Variants in AMTN observed in about 807,000 individuals in gnomAD.
AMTN encodes the protein amelotin, also known as RSTI689.
In AMTN, 29 loss-of-function variants were observed where a neutral mutation model predicts 27.4. The observed-to-expected ratio is 1.06, with a 90% CI of 0.79 to 1.44. The LOEUF (loss-of-function observed/expected upper bound fraction) is 1.44. AMTN is among the 40% of genes most tolerant of loss of function. AMTN has a pLI of 0.00. For missense variants in AMTN, 247 were observed against 248.8 expected (o/e 0.99, Z 0.05); for synonymous variants, 86 against 95.7 (o/e 0.90, Z 0.59).
rs1213251425 is a variant in AMTN at position 70,518,954 on chromosome 4, C to G, written c.54+123C>G. 5 of 783,824 alleles carry G rather than the reference C, an allele frequency of 6.4e-6. No homozygotes were observed. In the African/African-American group the frequency reaches 8.6e-5, roughly 14 times the overall value. 48.6% of individuals were successfully genotyped at this position (783,824 alleles called of 1,614,324 possible). On this transcript the variant is annotated intron_variant, in intron 2 of 8. Coordinates refer to ENST00000339336, the MANE Select transcript of AMTN (RefSeq NM_212557.4). ...TTTGTGACTCATTCCCTGAGAGTGTCCAGTGTTTATTTTCCAAGACAGAAA... is the reference window on the plus strand; with the variant it reads ...TTTGTGACTCATTCCCTGAGAGTGTGCAGTGTTTATTTTCCAAGACAGAAA...
At chr4:70,528,872 TG>T in intron 6 of AMTN, 114 bp downstream of exon 6, 3 of 852,066 alleles carry the variant, frequency 3.5e-6, no homozygotes, top group Non-Finnish European at 3.5e-6. Flanking sequence ...TTGTACTGTA[TG>T]GACACTGATA....
intron 2 of AMTN, among the ~76,000 whole-genome samples, chr4:70,521,605 A>G (rs1186115693): frequency 1.4e-5 from 2 of 144,054 alleles, no homozygotes; most frequent in African/African-American, 2.5e-5. Flanking sequence ...CTTAAAGCTG[A>G]AAGGGACCTC....
At position 70,527,729 on chromosome 4, in the gene AMTN, G is replaced by A. The variant is rs543919017; in HGVS notation, c.295-994G>A. On this transcript the variant is annotated intron_variant, in intron 5 of 8. Transcript: ENST00000339336. Reference sequence around the variant, plus strand: ...TTCCTGACACTTTGAATTTTCTATAGAAATAAGAATAAATTTTTAAAACCT... The same window carrying A: ...TTCCTGACACTTTGAATTTTCTATAAAAATAAGAATAAATTTTTAAAACCT... Among the ~76,000 whole-genome samples the A allele has an allele frequency of 2.0e-5, 3 of 152,236 alleles. No homozygotes were observed. The South Asian group carries it at 6.2e-4, about 32-fold the overall frequency.
intron 6 of AMTN, 151 bp from the exon 7 acceptor site, chr4:70,529,033 T>C (rs1736158053): frequency 5.8e-6 from 4 of 691,388 alleles, no homozygotes; most frequent in African/African-American, 1.9e-5. Context: ...AGTTTTGTAA[T>C]ATAGATCATA....
intron 3 of AMTN, 48 bp from the exon 4 acceptor site, chr4:70,523,820 G>C: frequency 6.6e-7 from 1 of 1,508,088 alleles, no homozygotes; most frequent in East Asian, 2.3e-5. Flanking sequence ...ACAGAGTAAG[G>C]GAAGCAGACA....
At chr4:70,522,676 G>T (rs915321311) in intron 2 of AMTN, 79 bp from the exon 3 acceptor site, 20 of 1,344,126 alleles carry the variant, frequency 1.5e-5, no homozygotes, top group Non-Finnish European at 2.0e-5. Context: ...GTTTGCATTG[G>T]TGGCAACCTG....
intron 5 of AMTN, among the ~76,000 whole-genome samples, chr4:70,525,552 T>A (rs1736084248): frequency 6.6e-6 from 1 of 152,188 alleles, no homozygotes; most frequent in Non-Finnish European, 1.5e-5. Context: ...ATTTTAACAT[T>A]GAACAAATTC....
chr4:70,528,958 T>G (rs1431889839), intron 6 of AMTN, among the ~76,000 whole-genome samples, 200 bp downstream of exon 6: 2 of 152,220 alleles, frequency 1.3e-5, no homozygotes, highest in Admixed American at 6.5e-5. Flanking sequence ...ATATACTTTT[T>G]GGATGGAGAT....
At chr4:70,528,639 G>T in intron 5 of AMTN, 84 bp from the exon 6 acceptor site, 2 of 1,231,968 alleles carry the variant, frequency 1.6e-6, no homozygotes, top group South Asian at 2.5e-5. Context: ...AACAGAGCAA[G>T]ACTCCATCTC....
chr4:70,520,148 A>C (rs1432531460), intron 2 of AMTN, among the ~76,000 whole-genome samples: 1 of 152,234 alleles, frequency 6.6e-6, no homozygotes, highest in African/African-American at 2.4e-5. Context: ...CCAGGAGTGC[A>C]GCTCTCATGT....
At chr4:70,527,051 G>A (rs1736115491) in intron 5 of AMTN, among the ~76,000 whole-genome samples, 1 of 151,646 alleles carries the variant, frequency 6.6e-6, no homozygotes, top group South Asian at 2.1e-4. Context: ...CTGGTTAAAT[G>A]TCAGCTCTAC....
rs1383131859 is a variant in AMTN, at chr4:70,530,892, T to C, written c.358-147T>C. On this transcript the variant is annotated intron_variant, in intron 7 of 8. Transcript: ENST00000339336. ...CAGACTAGGCTGGACCAAGGGTGTA[T>C]TTCCCCTGAGGAATGCCAGGTCTTT... 3.7e-6 allele frequency: 4 copies of C among 1,083,976 alleles called. No homozygotes were observed. In the African/African-American group the frequency reaches 6.4e-5, roughly 17 times the overall value. 67.1% of individuals were successfully genotyped at this position (1,083,976 alleles called of 1,614,324 possible).
intron 2 of AMTN, among the ~76,000 whole-genome samples, chr4:70,521,644 T>C (rs199606623): frequency 0.22 from 3,704 of 16,908 alleles, 48 homozygotes; most frequent in South Asian, 0.3. Context: ...ACCTCTCTTT[T>C]TTTTTTTTTT....
intron 7 of AMTN, 98 bp downstream of exon 7, chr4:70,529,308 G>C: frequency 1.2e-6 from 1 of 861,326 alleles, no homozygotes; most frequent in Non-Finnish European, 1.7e-6. Context: ...CCTAAATATG[G>C]TATGTACTAC....
In AMTN at chr4:70,532,611, A is replaced by T; in HGVS notation, c.*146A>T. 1.4e-6 allele frequency: 1 copy of T among 718,672 alleles called. No homozygotes were observed. Among genetic ancestry groups the T allele is most frequent in the Non-Finnish European group, 2.2e-6 (1 of 448,896 alleles). The allele number at this position is 718,672 out of a possible 1,614,324, so 44.5% of individuals were successfully genotyped here. ...TTAATTTACCTGAAAATATTCTTGA[A>T]ATTTCAGAAAATATGTTCTATGTAG... On this transcript the variant is annotated 3_prime_UTR_variant, in exon 9 of 9. Coordinates refer to ENST00000339336, the MANE Select transcript of AMTN (RefSeq NM_212557.4).
chr4:70,525,839 G>T (rs1736090400), intron 5 of AMTN, among the ~76,000 whole-genome samples: 1 of 152,138 alleles, frequency 6.6e-6, no homozygotes, highest in Non-Finnish European at 1.5e-5. Context: ...GGTCAAGGCT[G>T]CAGTGAGCAG....
intron 5 of AMTN, among the ~76,000 whole-genome samples, chr4:70,526,602 C>G (rs1439369325): frequency 1.3e-5 from 2 of 152,142 alleles, no homozygotes; most frequent in Non-Finnish European, 2.9e-5. Flanking sequence ...TAAAAAGAGA[C>G]TCTCCATAAC....
In AMTN at chr4:70,518,830, CA is replaced by C. The variant is rs1735879369; in HGVS notation, c.54del (p.Gln19SerfsTer33). ...CTTCTAGGATCAACTCGGTCATTACCAGTAAGTATGTTATGTTTGTTTTATA... is the reference window on the plus strand; with the variant it reads ...CTTCTAGGATCAACTCGGTCATTACCGTAAGTATGTTATGTTTGTTTTATA... ...FCLLGSTRSL[P>X]QLKPALGLPP... On this transcript the variant is annotated frameshift_variant and splice_region_variant, in exon 2 of 9. Transcript: ENST00000339336. LOFTEE classifies it high-confidence loss of function. The C allele has an allele frequency of 2.5e-6, 4 of 1,607,908 alleles. No homozygotes were observed. In the Admixed American group the frequency reaches 5.0e-5, roughly 20 times the overall value.
At chr4:70,518,738 G>A in intron 1 of AMTN, 25 bp from the exon 2 acceptor site, 2 of 1,431,666 alleles carry the variant, frequency 1.4e-6, no homozygotes, top group Non-Finnish European at 2.0e-6. Flanking sequence ...ATACATGGAA[G>A]AGTAACACTT....
Sources: gnomAD v4.1 joint callset for allele counts (sites outside exome capture counted in the v4.1 genomes callset) on GRCh38, gnomAD v4.1.1 for gene constraint, MANE v1.5 for transcripts, NCBI Gene and HGNC (gene_info 2026-07-23, HGNC 2026-07-21) for gene names.